Variants in ASCC3 observed in about 807,000 individuals in gnomAD.
The protein encoded by ASCC3 is activating signal cointegrator 1 complex subunit 3.
A neutral mutation model predicts 256.3 loss-of-function variants in ASCC3; 158 were observed. The observed-to-expected ratio is 0.62, with a 90% confidence interval of 0.54 to 0.70. The LOEUF (loss-of-function observed/expected upper bound fraction) is 0.70, where lower values mean the gene tolerates loss of function less well. ASCC3 is among the 30% of genes least tolerant of loss of function. The pLI, the probability that ASCC3 is intolerant of heterozygous loss-of-function variation, is 0.00. For missense variants in ASCC3, 2,259 were observed against 2,626.0 expected (o/e 0.86, Z 3.05); for synonymous variants, 948 against 883.4 (o/e 1.07, Z -1.30).
intron 10 of ASCC3, among the ~76,000 whole-genome samples, chr6:100,758,555 A>C (rs564079585): frequency 6.6e-6 from 1 of 152,216 alleles, no homozygotes; most frequent in Non-Finnish European, 1.5e-5. Context: ...ATGTCCCTGC[A>C]AAGGACATGA....
At chr6:100,834,110 C>T (rs1034526788) in intron 4 of ASCC3, among the ~76,000 whole-genome samples, 5 of 152,100 alleles carry the variant, frequency 3.3e-5, no homozygotes, top group African/African-American at 9.6e-5. Context: ...ATAAAAGATG[C>T]TTATCAAATC....
intron 13 of ASCC3, among the ~76,000 whole-genome samples, chr6:100,698,556 T>G (rs943539408): frequency 6.6e-6 from 1 of 152,070 alleles, no homozygotes; most frequent in African/African-American, 2.4e-5. Flanking sequence ...ATGATAAGTC[T>G]GTATCATGAA....
intron 4 of ASCC3, among the ~76,000 whole-genome samples, chr6:100,828,729 G>A (rs932836551): frequency 6.6e-6 from 1 of 152,132 alleles, no homozygotes; most frequent in African/African-American, 2.4e-5. Context: ...TGAAGCTGCA[G>A]ACCTTTGTGG....
chr6:100,759,697 C>A (rs1329841600), intron 10 of ASCC3, among the ~76,000 whole-genome samples: 1 of 152,092 alleles, frequency 6.6e-6, no homozygotes, highest in Non-Finnish European at 1.5e-5. Context: ...GTGAAGAATG[C>A]CAATGGTAGA....
intron 13 of ASCC3, among the ~76,000 whole-genome samples, chr6:100,689,789 C>T (rs1052921168): frequency 1.3e-5 from 2 of 152,130 alleles, no homozygotes; most frequent in African/African-American, 4.8e-5. Context: ...AATTTAACAG[C>T]AGACCTCCCA....
chr6:100,805,683 A>C, intron 5 of ASCC3, 77 bp downstream of exon 5: 3 of 1,507,396 alleles, frequency 2.0e-6, no homozygotes, highest in Non-Finnish European at 2.7e-6. Flanking sequence ...ATATTTTAAA[A>C]TGTAATTACA....
chr6:100,805,350 G>T (rs1562309660), intron 5 of ASCC3, among the ~76,000 whole-genome samples: 1 of 152,036 alleles, frequency 6.6e-6, no homozygotes, highest in East Asian at 1.9e-4. Context: ...AGACACTAGG[G>T]ATTCCAAAAG....
In ASCC3 at chr6:100,541,124, G is replaced by A. The variant is rs146201382; in HGVS notation, c.5551-737C>T. Among the ~76,000 whole-genome samples the A allele has an allele frequency of 1.3e-3, 192 of 152,042 alleles. 1 individual carries two copies. The highest frequency in any genetic ancestry group is 4.3e-3 in the African/African-American group (179 of 41,486). On this transcript the variant is annotated intron_variant, in intron 36 of 41. Coordinates refer to ENST00000369162, the MANE Select transcript of ASCC3 (RefSeq NM_006828.4). ...AAAATAGACTGATCTATTTATTAGC[G>A]TTTGTTGTGAAACAAACATCATATT...
In ASCC3 at chr6:100,589,635, C is replaced by G; in HGVS notation, c.5549G>C (p.Ser1850Thr). The G allele has an allele frequency of 6.2e-7, 1 of 1,613,304 alleles. No homozygotes were observed. Among genetic ancestry groups the G allele is most frequent in the Non-Finnish European group, 8.5e-7 (1 of 1,179,680 alleles). Residue 1850 changes from serine to threonine, a missense_variant and splice_region_variant, in exon 36 of 42, where the codon AGT becomes ACT. Ser to Thr is a moderately conservative substitution (Grantham distance 58, BLOSUM62 1). Transcript: ENST00000369162. Reference protein sequence around the residue: ...CSTEELLSILSDAEEYTDLPV... With the variant: ...CSTEELLSILTDAEEYTDLPV... ...ATATGAAATATATGAAAAACTCACA[C>G]TTAGAATTGAAAGCAGTTCTTCAGT...
At chr6:100,511,769 T>G (rs1322824151) in intron 40 of ASCC3, among the ~76,000 whole-genome samples, 2 of 152,022 alleles carry the variant, frequency 1.3e-5, no homozygotes, top group Middle Eastern at 3.2e-3. Context: ...CAGTTAATAC[T>G]TACACTGACA....
chr6:100,845,625 A>G (rs1487948057), intron 4 of ASCC3, among the ~76,000 whole-genome samples: 1 of 152,142 alleles, frequency 6.6e-6, no homozygotes, highest in Non-Finnish European at 1.5e-5. Flanking sequence ...CTTATGTCAC[A>G]TATTAATGTC....
chr6:100,676,728 G>T (rs892103206), intron 14 of ASCC3, among the ~76,000 whole-genome samples: 1 of 148,752 alleles, frequency 6.7e-6, no homozygotes, highest in African/African-American at 2.5e-5. Flanking sequence ...ACAAGCAAAT[G>T]TATGTGTGCG....
intron 1 of ASCC3, among the ~76,000 whole-genome samples, chr6:100,869,327 T>C (rs1773626982): frequency 6.6e-6 from 1 of 152,216 alleles, no homozygotes; most frequent in African/African-American, 2.4e-5. Context: ...TATTCTCTGC[T>C]CCTGCTGTTC....
chr6:100,746,432 TA>T (rs1249928114), intron 10 of ASCC3, among the ~76,000 whole-genome samples: 2 of 152,156 alleles, frequency 1.3e-5, no homozygotes, highest in African/African-American at 4.8e-5. Context: ...GAAAAGTGTT[TA>T]AAAAATTAAA....
intron 8 of ASCC3, among the ~76,000 whole-genome samples, chr6:100,797,067 T>C (rs1769653298): frequency 1.3e-5 from 2 of 152,192 alleles, no homozygotes; most frequent in African/African-American, 4.8e-5. Context: ...AACAAAGTAC[T>C]TATTTAGAAA....
chr6:100,758,942 T>C (rs1267101501), intron 10 of ASCC3, among the ~76,000 whole-genome samples: 2 of 152,212 alleles, frequency 1.3e-5, no homozygotes, highest in East Asian at 1.9e-4. Flanking sequence ...TTCTGACTGA[T>C]GTGAGATGGT....
At chr6:100,688,594 G>C (rs1777694647) in intron 13 of ASCC3, among the ~76,000 whole-genome samples, 1 of 151,994 alleles carries the variant, frequency 6.6e-6, no homozygotes, top group African/African-American at 2.4e-5. Context: ...TTATCCTTTT[G>C]GGCATCCAAA....
rs181078681 is a variant in ASCC3 at position 100,664,785 on chromosome 6, A to C, written c.2287-2249T>G. On this transcript the variant is annotated intron_variant, in intron 14 of 41. Transcript: ENST00000369162. ...TTGCTAAGAGCTCCTTCAGAGGCTA[A>C]AGGTAGGGAGAGGAGAAACATTTCA... Among the ~76,000 whole-genome samples the C allele has an allele frequency of 3.9e-5, 6 of 152,312 alleles. No individual in the cohort carries two copies. In the East Asian group the frequency reaches 1.2e-3, roughly 29 times the overall value.
intron 8 of ASCC3, among the ~76,000 whole-genome samples, chr6:100,776,827 T>C (rs1476687815): frequency 6.6e-6 from 1 of 152,020 alleles, no homozygotes; most frequent in African/African-American, 2.4e-5. Context: ...AGTGTAAATA[T>C]CATAAGCTTA....
Sources: gnomAD v4.1 joint callset for allele counts (sites outside exome capture counted in the v4.1 genomes callset) on GRCh38, gnomAD v4.1.1 for gene constraint, MANE v1.5 for transcripts, NCBI Gene and HGNC (gene_info 2026-07-23, HGNC 2026-07-21) for gene names.